DOCK1: variants seen among roughly 807,000 people sequenced by gnomAD.
DOCK1 encodes dedicator of cytokinesis protein 1.
A neutral mutation model predicts 262.7 loss-of-function variants in DOCK1; 138 were observed. The observed-to-expected ratio is 0.53, with a 90% confidence interval of 0.46 to 0.61. DOCK1 has a LOEUF of 0.61. DOCK1 is among the 20% of genes least tolerant of loss of function. DOCK1 has a pLI of 0.00. For synonymous variants in DOCK1, 866 were observed against 867.4 expected (o/e 1.00, Z 0.03); for missense variants, 1,908 against 2,370.7 (o/e 0.80, Z 4.05).
intron 27 of DOCK1, among the ~76,000 whole-genome samples, chr10:127,166,184 G>A (rs1360967865): frequency 1.3e-5 from 2 of 152,074 alleles, no homozygotes; most frequent in Admixed American, 1.3e-4. Context: ...TCCTGCCTCA[G>A]CCCCCCAAGT....
chr10:127,389,018 A>G (rs1926432), intron 38 of DOCK1, among the ~76,000 whole-genome samples: 45,506 of 152,194 alleles, frequency 0.3, 7,225 homozygotes, highest in Admixed American at 0.45. Flanking sequence ...TGTGAGAATA[A>G]CATCTCATAA....
chr10:127,376,595 G>A (rs1279059176), intron 35 of DOCK1, among the ~76,000 whole-genome samples: 1 of 152,220 alleles, frequency 6.6e-6, no homozygotes, highest in Non-Finnish European at 1.5e-5. Flanking sequence ...TGGTGCCAAT[G>A]TGATTGACGT....
At chr10:126,921,451 A>T (rs772055097) in intron 1 of DOCK1, among the ~76,000 whole-genome samples, 2 of 152,210 alleles carry the variant, frequency 1.3e-5, no homozygotes, top group African/African-American at 4.8e-5. Context: ...AGGGACATAC[A>T]TGATTCTATT....
intron 28 of DOCK1, among the ~76,000 whole-genome samples, chr10:127,250,827 G>A (rs2059609053): frequency 1.4e-5 from 2 of 140,386 alleles, no homozygotes; most frequent in East Asian, 2.1e-4. Flanking sequence ...AAAAAATGAC[G>A]TTTGTGGTTT....
chr10:126,980,496 C>T (rs1272211583), intron 3 of DOCK1, among the ~76,000 whole-genome samples: 1 of 152,164 alleles, frequency 6.6e-6, no homozygotes, highest in African/African-American at 2.4e-5. Flanking sequence ...ACCTCTGAGC[C>T]TGGCCCAGCC....
Position 127,339,030 on chromosome 10 carries a change from G to A in DOCK1, c.3069G>A (p.Gln1023=), listed in dbSNP as rs2063314283. 1.3e-6 allele frequency: 2 copies of A among 1,583,396 alleles called. No individual in the cohort carries two copies. Among genetic ancestry groups the A allele is most frequent in the South Asian group, 1.2e-5 (1 of 86,206 alleles). ...QNKVFLRAIN[Q]YADMLNKKFL... ...GAGTCTTCCTGCGAGCAATTAATCA[G>A]TATGCAGATATGCTGAACAAAAAAT... is the stretch of plus-strand genomic sequence containing the variant. The change falls in exon 30 of 52, where the codon CAG becomes CAA. Residue 1023 remains glutamine (Q), a synonymous_variant. Transcript: ENST00000623213.
chr10:127,380,151 T>C (rs142651905), intron 36 of DOCK1, 29 bp downstream of exon 36: 32,149 of 1,415,304 alleles, frequency 0.023, 560 homozygotes, highest in Middle Eastern at 0.056. Flanking sequence ...TGTCTGCATG[T>C]TAATTATAAA....
chr10:127,341,536 C>T (rs894928331), intron 30 of DOCK1, among the ~76,000 whole-genome samples: 3 of 152,150 alleles, frequency 2.0e-5, no homozygotes, highest in Admixed American at 6.5e-5. Flanking sequence ...TTTTTTTCCC[C>T]ATCTCATACT....
At chr10:127,019,393 T>A (rs2042247305) in intron 13 of DOCK1, among the ~76,000 whole-genome samples, 1 of 152,224 alleles carries the variant, frequency 6.6e-6, no homozygotes, top group South Asian at 2.1e-4. Context: ...CAAGAGATCT[T>A]TGGAAGCATG....
intron 1 of DOCK1, among the ~76,000 whole-genome samples, chr10:126,914,074 C>T (rs1023309104): frequency 1.3e-5 from 2 of 152,242 alleles, no homozygotes; most frequent in Non-Finnish European, 2.9e-5. Context: ...TTGCTTGGGA[C>T]TGAATCTCTA....
chr10:127,062,674 C>A (rs917340334), intron 23 of DOCK1, among the ~76,000 whole-genome samples: 1 of 152,212 alleles, frequency 6.6e-6, no homozygotes. Flanking sequence ...TCCCTAGGTG[C>A]TCTTAAATAT....
At chr10:126,966,111 A>G (rs36142223) in intron 1 of DOCK1, among the ~76,000 whole-genome samples, 82,976 of 152,074 alleles carry the variant, frequency 0.55, 23,786 homozygotes, top group African/African-American at 0.71. Context: ...GAGTGAGAAC[A>G]TGTGGTGTTT....
rs947340067 is a variant in DOCK1 at position 127,374,296 on chromosome 10, T to C, written c.3675+82T>C. 44 of 1,465,486 alleles carry C rather than the reference T, an allele frequency of 3.0e-5. No homozygotes were observed. The African/African-American group carries it at 4.5e-4, about 15-fold the overall frequency. The allele number at this position is 1,465,486 out of a possible 1,614,324, so 90.8% of individuals were successfully genotyped here. A position where few individuals can be genotyped will look rare whatever the true frequency, so the allele number is the denominator to read the frequency against. On this transcript the variant is annotated intron_variant, in intron 35 of 51. Coordinates refer to ENST00000623213, the MANE Select transcript of DOCK1 (RefSeq NM_001290223.2). ...CGGGGATTGCCCCAGCCCTTATCTA[T>C]GACAGTCAGCCACGAAGCTTTCCAC... is the stretch of plus-strand genomic sequence containing the variant.
At chr10:126,958,343 G>A (rs911492755) in intron 1 of DOCK1, among the ~76,000 whole-genome samples, 6,657 of 152,264 alleles carry the variant, frequency 0.044, 191 homozygotes, top group Middle Eastern at 0.11. Flanking sequence ...TAATACGCAG[G>A]AATGTTGCTG....
At chr10:127,323,953 T>C (rs2135592325) in intron 29 of DOCK1, among the ~76,000 whole-genome samples, 1 of 152,348 alleles carries the variant, frequency 6.6e-6, no homozygotes. Context: ...CCTGCACTGC[T>C]TCATCCTCCT....
At chr10:127,126,003 G>A (rs1345583318) in intron 26 of DOCK1, among the ~76,000 whole-genome samples, 1 of 151,496 alleles carries the variant, frequency 6.6e-6, no homozygotes, top group Non-Finnish European at 1.5e-5. Context: ...TGAGGGAGTC[G>A]TAAGGAGAAG....
chr10:127,019,307 G>A (rs985319225), intron 13 of DOCK1, among the ~76,000 whole-genome samples: 5 of 152,152 alleles, frequency 3.3e-5, no homozygotes, highest in African/African-American at 4.8e-5. Context: ...CAGGATTTGC[G>A]TGTTAACATT....
At chr10:127,311,939 A>C (rs1338402098) in intron 29 of DOCK1, among the ~76,000 whole-genome samples, 2 of 151,980 alleles carry the variant, frequency 1.3e-5, no homozygotes, top group Non-Finnish European at 2.9e-5. Context: ...ATCTCATCTC[A>C]TTGCAACCTC....
intron 1 of DOCK1, among the ~76,000 whole-genome samples, chr10:126,924,630 T>G (rs769641424): frequency 1.3e-5 from 2 of 152,214 alleles, no homozygotes; most frequent in African/African-American, 4.8e-5. Context: ...GATTCTTGCT[T>G]CTTCCACCGT....
Sources: allele counts gnomAD v4.1 joint callset (sites outside exome capture counted in the v4.1 genomes callset), GRCh38; gene constraint gnomAD v4.1.1; transcripts MANE v1.5; gene names NCBI Gene and HGNC (gene_info 2026-07-23, HGNC 2026-07-21).